CRK: variants seen among roughly 807,000 people sequenced by gnomAD.
CRK encodes CRK proto-oncogene, adaptor protein.
A neutral mutation model predicts 29.8 loss-of-function variants in CRK; 4 were observed. That is an observed-to-expected ratio of 0.13 (90% CI 0.07 to 0.31). The LOEUF (loss-of-function observed/expected upper bound fraction) is 0.31. Ranked by LOEUF, CRK falls within the 10% of genes least tolerant of loss-of-function variation. The pLI is 1.00. For missense variants in CRK, 274 were observed against 396.5 expected (o/e 0.69, Z 2.62); for synonymous variants, 153 against 164.9 (o/e 0.93, Z 0.55).
intron 1 of CRK, among the ~76,000 whole-genome samples, chr17:1,441,996 C>T (rs2073938802): frequency 7.3e-6 from 1 of 136,428 alleles, no homozygotes; most frequent in Admixed American, 7.8e-5. Flanking sequence ...GCTGGGACTA[C>T]AGGCATGCAC....
At chr17:1,427,020 AAACTGTCTCC>A (rs1189018232) in intron 2 of CRK, among the ~76,000 whole-genome samples, 1 of 112,154 alleles carries the variant, frequency 8.9e-6, no homozygotes. Flanking sequence ...CGACAGAGCA[AAACTGTCTCC>A]AAAAAAAAAA....
intron 1 of CRK, among the ~76,000 whole-genome samples, chr17:1,448,812 C>T (rs1319942796): frequency 6.6e-6 from 1 of 151,178 alleles, no homozygotes; most frequent in Non-Finnish European, 1.5e-5. Context: ...CAGGCAGGTG[C>T]GGTGGCTCAC....
Position 1,423,089 on chromosome 17 carries a change from G to A in CRK, c.*424C>T, listed in dbSNP as rs528886850. On this transcript the variant is annotated 3_prime_UTR_variant, in exon 3 of 3. Coordinates refer to ENST00000300574, the MANE Select transcript of CRK (RefSeq NM_016823.4). ...TTCACACGGTGCATGATTACTTCAC[G>A]GGGGTGGAACGGAACAGTCTGTCGC... The A allele has an allele frequency of 1.2e-5, 5 of 416,576 alleles. No homozygotes were observed. Among genetic ancestry groups the A allele is most frequent in the Admixed American group, 4.1e-5 (1 of 24,384 alleles). 25.8% of individuals were successfully genotyped at this position (416,576 alleles called of 1,614,324 possible). A position where few individuals can be genotyped will look rare whatever the true frequency, so the allele number is the denominator to read the frequency against.
rs2073808823 is a variant in CRK at position 1,428,852 on chromosome 17, TC to T, written c.778-5203del. On this transcript the variant is annotated intron_variant, in intron 2 of 2. Coordinates refer to ENST00000300574, the MANE Select transcript of CRK (RefSeq NM_016823.4). ...CTATCTTTAATGTACAGATTCTCTC[TC>T]TTTTTTTTTTAGATGGAGCCTCACT... 2.0e-5 allele frequency among the ~76,000 whole-genome samples: 3 copies of T among 146,722 alleles called. No individual in the cohort carries two copies. In the Admixed American group the frequency reaches 2.1e-4, roughly 10 times the overall value.
intron 2 of CRK, among the ~76,000 whole-genome samples, chr17:1,433,295 G>A (rs1291099133): frequency 6.6e-6 from 1 of 152,160 alleles, no homozygotes; most frequent in Non-Finnish European, 1.5e-5. Context: ...CCAACCAGCA[G>A]CACATCACTG....
chr17:1,430,087 C>G lies in CRK; in HGVS notation c.778-6437G>C, dbSNP rs142942439. On this transcript the variant is annotated intron_variant, in intron 2 of 2. Transcript: ENST00000300574. ...AAGACAGAGTTTCGCTTTTGTTGCC[C>G]AGGCTGGAGTGCAGTGGCACAATCT... Among the ~76,000 whole-genome samples the G allele has an allele frequency of 5.3e-4, 81 of 151,418 alleles. 1 individual carries two copies. In the East Asian group the frequency reaches 0.015, roughly 28 times the overall value.
At chr17:1,444,597 G>GGGA (rs1555654436) in intron 1 of CRK, among the ~76,000 whole-genome samples, 2 of 110,486 alleles carry the variant, frequency 1.8e-5, no homozygotes, top group African/African-American at 1.4e-4. Context: ...AGCCGAAGCG[G>GGGA]GGGGGGGGAT....
At chr17:1,447,923 T>C (rs1380380447) in intron 1 of CRK, among the ~76,000 whole-genome samples, 1 of 152,082 alleles carries the variant, frequency 6.6e-6, no homozygotes, top group African/African-American at 2.4e-5. Flanking sequence ...GGCCCTCTTT[T>C]CCCTTTTTTC....
chr17:1,434,930 A>AT (rs1289949839), intron 2 of CRK, among the ~76,000 whole-genome samples: 1 of 152,142 alleles, frequency 6.6e-6, no homozygotes, highest in Non-Finnish European at 1.5e-5. Flanking sequence ...AAGCTCAACC[A>AT]TTTTTTTGAG....
chr17:1,452,291 G>C (rs765747356), intron 1 of CRK, among the ~76,000 whole-genome samples: 1 of 152,176 alleles, frequency 6.6e-6, no homozygotes, highest in Non-Finnish European at 1.5e-5. Flanking sequence ...GTCCTAGACA[G>C]TAAGTGAAAT....
At chr17:1,434,651 G>T (rs2073873662) in intron 2 of CRK, among the ~76,000 whole-genome samples, 1 of 151,934 alleles carries the variant, frequency 6.6e-6, no homozygotes, top group Non-Finnish European at 1.5e-5. Context: ...GGCACAATGG[G>T]GTATGCCTGT....
At chr17:1,433,826 T>C (rs1399919663) in intron 2 of CRK, among the ~76,000 whole-genome samples, 2 of 10,034 alleles carry the variant, frequency 2.0e-4, no homozygotes, top group Admixed American at 1.2e-3. Context: ...GCATGTATGG[T>C]TTTTTTTTTT....
chr17:1,447,898 C>T (rs1191650535), intron 1 of CRK, among the ~76,000 whole-genome samples: 2 of 152,024 alleles, frequency 1.3e-5, no homozygotes, highest in African/African-American at 2.4e-5. Flanking sequence ...ATTACAGGCG[C>T]GAGCCACCAC....
rs2073738522 is a variant in CRK, at chr17:1,422,579, G to C, written c.*934C>G. The C allele has an allele frequency of 5.0e-6, 1 of 199,426 alleles. No individual in the cohort carries two copies. The highest frequency in any genetic ancestry group is 6.0e-5 in the Admixed American group (1 of 16,622). The allele number at this position is 199,426 out of a possible 1,614,324, so 12.4% of individuals were successfully genotyped here. A position where few individuals can be genotyped will look rare whatever the true frequency, so the allele number is the denominator to read the frequency against. On this transcript the variant is annotated 3_prime_UTR_variant, in exon 3 of 3. Transcript: ENST00000300574. ...GAATTTGACCCCAAAACCTTCCACA[G>C]AATATCAGAGGTGATTGGTCCTTCC...
chr17:1,427,134 A>T (rs1373929665), intron 2 of CRK, among the ~76,000 whole-genome samples: 1 of 149,910 alleles, frequency 6.7e-6, no homozygotes, highest in Non-Finnish European at 1.5e-5. Context: ...TTGAAAAAAA[A>T]AAAAAAATTA....
rs2073737980 is a variant in CRK, at chr17:1,422,501, T to C, written c.*1012A>G. 1 of 155,618 alleles carries C rather than the reference T, an allele frequency of 6.4e-6. No individual in the cohort carries two copies. Among genetic ancestry groups the C allele is most frequent in the East Asian group, 1.9e-4 (1 of 5,270 alleles). 9.6% of individuals were successfully genotyped at this position (155,618 alleles called of 1,614,324 possible). ...TTCAAAGCACTAACCCTACCCCAAA[T>C]TCATGTAATACTAACTTGACTTTTA... On this transcript the variant is annotated 3_prime_UTR_variant, in exon 3 of 3. Transcript: ENST00000300574.
chr17:1,433,819 T>G (rs1024703646), intron 2 of CRK, among the ~76,000 whole-genome samples: 18 of 116,754 alleles, frequency 1.5e-4, no homozygotes, highest in African/African-American at 6.2e-4. Context: ...GCACCCAGCA[T>G]GTATGGTTTT....
rs2073740332 is a variant in CRK, at chr17:1,422,788, C to T, written c.*725G>A. On this transcript the variant is annotated 3_prime_UTR_variant, in exon 3 of 3. Coordinates refer to ENST00000300574, the MANE Select transcript of CRK (RefSeq NM_016823.4). ...CTGGCTGTCCACTTAGTGAATCCAA[C>T]ACTGGCTTAAAGCTATGCACTGAAT... is the stretch of plus-strand genomic sequence containing the variant. 1 of 397,168 alleles carries T rather than the reference C, an allele frequency of 2.5e-6. No individual in the cohort carries two copies. The highest frequency in any genetic ancestry group is 4.4e-6 in the Non-Finnish European group (1 of 225,566). 24.6% of individuals were successfully genotyped at this position (397,168 alleles called of 1,614,324 possible).
chr17:1,433,031 A>G (rs911646002), intron 2 of CRK, among the ~76,000 whole-genome samples: 1 of 152,210 alleles, frequency 6.6e-6, no homozygotes, highest in Non-Finnish European at 1.5e-5. Context: ...CTTTGCTCCC[A>G]AGGAACGTAA....
Sources: allele counts gnomAD v4.1 joint callset (sites outside exome capture counted in the v4.1 genomes callset), GRCh38; gene constraint gnomAD v4.1.1; transcripts MANE v1.5; gene names NCBI Gene and HGNC (gene_info 2026-07-23, HGNC 2026-07-21).